The following CTDSPL variants were observed in gnomAD, a reference collection of about 807,000 sequenced individuals.
The protein encoded by CTDSPL is CTD small phosphatase like, also known as CTD small phosphatase-like protein.
CTDSPL carries 8 observed loss-of-function variants against 30.5 expected under a neutral mutation model. That is an observed-to-expected ratio of 0.26 (90% confidence interval 0.15 to 0.47). The LOEUF (loss-of-function observed/expected upper bound fraction) is 0.47. CTDSPL is among the 20% of genes least tolerant of loss of function. The probability of loss-of-function intolerance (pLI) is 0.99; values close to 1 mark genes in which losing one functional copy is unlikely to be tolerated. For missense variants in CTDSPL, 248 were observed against 366.1 expected, an observed-to-expected ratio of 0.68 and a Z score of 2.63; for synonymous variants, 110 against 137.9, an observed-to-expected ratio of 0.80 and a Z score of 1.42.
rs1172425270 is a variant in CTDSPL at position 37,862,894 on chromosome 3, G to A, written c.79+616G>A. ...TGTGTGACTACACCACCCAACTGGC[G>A]GATTGAATGTGTTGTATACATCTAC... On this transcript the variant is annotated intron_variant, in intron 1 of 7. Transcript: ENST00000273179. This position sits in a 1 kb window ranked among gnomAD's most constrained non-coding sequence, Gnocchi z 4.3. Among the ~76,000 whole-genome samples the A allele has an allele frequency of 2.0e-5, 3 of 152,166 alleles. No individual in the cohort carries two copies. Among genetic ancestry groups the A allele is most frequent in the Non-Finnish European group, 2.9e-5 (2 of 68,026 alleles).
At chr3:37,966,076 TCCC>T (rs1299459735) in intron 4 of CTDSPL, among the ~76,000 whole-genome samples, 2 of 152,120 alleles carry the variant, frequency 1.3e-5, no homozygotes, top group Non-Finnish European at 2.9e-5. Context: ...GAGAACTCCC[TCCC>T]AAGCAACTGT....
chr3:37,878,666 A>G (rs1180046302), intron 1 of CTDSPL, among the ~76,000 whole-genome samples: 2 of 152,228 alleles, frequency 1.3e-5, no homozygotes, highest in African/African-American at 4.8e-5. Flanking sequence ...GAGCAGATTT[A>G]TTCTACATTT....
intron 1 of CTDSPL, among the ~76,000 whole-genome samples, chr3:37,895,858 T>C (rs1698384963): frequency 6.6e-6 from 1 of 151,730 alleles, no homozygotes; most frequent in South Asian, 2.1e-4. Context: ...GGCACTTCAC[T>C]GAATGTAAAT....
rs1196230167 is a variant in CTDSPL at position 37,980,731 on chromosome 3, C to T, written c.706-11C>T. On this transcript the variant is annotated splice_polypyrimidine_tract_variant and intron_variant, in intron 7 of 7. Transcript: ENST00000273179. ...GCAGTCCTGCTGCCTCCTCCATGCA[C>T]TGTCTTCCAGGTGCCTGTGCAGTCC... is the stretch of plus-strand genomic sequence containing the variant. 3.1e-6 allele frequency: 5 copies of T among 1,614,042 alleles called. No individual in the cohort carries two copies. The highest frequency in any genetic ancestry group is 4.5e-5 in the East Asian group (2 of 44,894).
At chr3:37,913,654 C>CT (rs1698609007) in intron 1 of CTDSPL, among the ~76,000 whole-genome samples, 1 of 152,184 alleles carries the variant, frequency 6.6e-6, no homozygotes, top group South Asian at 2.1e-4. Flanking sequence ...GTGACGTAGT[C>CT]TATCTGCCTC....
chr3:37,906,628 A>T lies in CTDSPL; in HGVS notation c.80-40429A>T, dbSNP rs545657151. Among the ~76,000 whole-genome samples, 4 of 152,266 alleles carry T rather than the reference A, an allele frequency of 2.6e-5. No individual in the cohort carries two copies. In the East Asian group the frequency reaches 7.7e-4, roughly 29 times the overall value. ...GGAAGGAGGAACTGGTAGCAGTATGATCTCCAGGGCACAGAGTCCCTTAGG... is the reference window on the plus strand; with the variant it reads ...GGAAGGAGGAACTGGTAGCAGTATGTTCTCCAGGGCACAGAGTCCCTTAGG... On this transcript the variant is annotated intron_variant, in intron 1 of 7. Transcript: ENST00000273179.
At chr3:37,907,028 C>A (rs1211692011) in intron 1 of CTDSPL, among the ~76,000 whole-genome samples, 1 of 152,170 alleles carries the variant, frequency 6.6e-6, no homozygotes, top group Non-Finnish European at 1.5e-5. Flanking sequence ...GGCACAGAGC[C>A]CAGTAGGGAC....
At chr3:37,895,338 G>A (rs927458052) in intron 1 of CTDSPL, among the ~76,000 whole-genome samples, 13 of 152,160 alleles carry the variant, frequency 8.5e-5, no homozygotes, top group East Asian at 3.8e-4. Flanking sequence ...GTTGCTTAGC[G>A]TCTGCCCCAT....
intron 1 of CTDSPL, among the ~76,000 whole-genome samples, chr3:37,877,105 CAAAA>C (rs35298466): frequency 1.2e-5 from 1 of 84,586 alleles, no homozygotes; most frequent in Non-Finnish European, 2.5e-5. Flanking sequence ...GACTCTGTCT[CAAAA>C]AAAAAAAAAA....
chr3:37,977,986 A>G (rs1699448940), intron 7 of CTDSPL, among the ~76,000 whole-genome samples: 1 of 152,218 alleles, frequency 6.6e-6, no homozygotes, highest in Admixed American at 6.5e-5. Context: ...AGGTTAGCCC[A>G]CTTTTAAAGA....
chr3:37,877,009 G>A (rs185872903), intron 1 of CTDSPL, among the ~76,000 whole-genome samples: 3 of 151,634 alleles, frequency 2.0e-5, no homozygotes, highest in African/African-American at 2.4e-5. Flanking sequence ...AGGAGGTTGA[G>A]GAAGGAGAAT....
intron 3 of CTDSPL, among the ~76,000 whole-genome samples, chr3:37,960,655 G>A (rs1486501282): frequency 1.3e-5 from 2 of 150,382 alleles, no homozygotes; most frequent in Admixed American, 6.6e-5. Context: ...ACGTGAACCC[G>A]GGAGGCGGAG....
intron 2 of CTDSPL, among the ~76,000 whole-genome samples, chr3:37,951,558 T>G (rs998729822): frequency 6.6e-6 from 1 of 151,552 alleles, no homozygotes; most frequent in Non-Finnish European, 1.5e-5. Flanking sequence ...GGTGTGCATT[T>G]ATAGTCCAGC....
chr3:37,920,091 A>C (rs2125609702), intron 1 of CTDSPL, among the ~76,000 whole-genome samples: 1 of 151,746 alleles, frequency 6.6e-6, no homozygotes, highest in African/African-American at 2.4e-5. Context: ...TAAAAAAAAA[A>C]CAGTCTCAAT....
chr3:37,964,953 C>T (rs1321529297), intron 4 of CTDSPL, among the ~76,000 whole-genome samples: 6 of 152,166 alleles, frequency 3.9e-5, no homozygotes, highest in Non-Finnish European at 8.8e-5. Context: ...TGCAGAAATA[C>T]TTTTCAGGTG....
At chr3:37,943,423 G>A (rs184170769) in intron 1 of CTDSPL, among the ~76,000 whole-genome samples, 4 of 150,036 alleles carry the variant, frequency 2.7e-5, no homozygotes. Flanking sequence ...GGAGTAAGGT[G>A]GGCAGGTGCT....
At chr3:37,951,546 G>A (rs1268547945) in intron 2 of CTDSPL, among the ~76,000 whole-genome samples, 1 of 151,992 alleles carries the variant, frequency 6.6e-6, no homozygotes, top group Non-Finnish European at 1.5e-5. Flanking sequence ...GCTAGGTGTG[G>A]AGGTGTGCAT....
At chr3:37,965,922 G>A (rs1292052655) in intron 4 of CTDSPL, among the ~76,000 whole-genome samples, 1 of 152,202 alleles carries the variant, frequency 6.6e-6, no homozygotes, top group Non-Finnish European at 1.5e-5. Context: ...AGTTGGTCCA[G>A]GGGATATGGT....
At position 37,980,898 on chromosome 3, in the gene CTDSPL, A is replaced by C; in HGVS notation, c.*31A>C. On this transcript the variant is annotated 3_prime_UTR_variant, in exon 8 of 8. Coordinates refer to ENST00000273179, the MANE Select transcript of CTDSPL (RefSeq NM_001008392.2). ...GCCTCTGCCTGCCTCCCGCCTGTGC[A>C]CTCTGGAACCTCTGGCCTCAGGGGA... The C allele has an allele frequency of 6.2e-7, 1 of 1,603,686 alleles. No individual in the cohort carries two copies. The highest frequency in any genetic ancestry group is 8.5e-7 in the Non-Finnish European group (1 of 1,172,920).
Sources: allele counts gnomAD v4.1 joint callset (sites outside exome capture counted in the v4.1 genomes callset), GRCh38; gene constraint gnomAD v4.1.1; non-coding constraint Gnocchi (gnomAD v3.1); transcripts MANE v1.5; gene names NCBI Gene and HGNC (gene_info 2026-07-23, HGNC 2026-07-21).